Variants in HLTF observed in about 807,000 individuals in gnomAD.
HLTF encodes the protein helicase like transcription factor, also known as DNA-dependent ATPase/E3 ubiquitin-protein ligase HLTF.
Under a neutral mutation model 129.4 loss-of-function variants are expected in HLTF, and 127 were observed. The ratio of observed to expected loss-of-function variants is 0.98; its 90% CI spans 0.85 to 1.14. The LOEUF is 1.14. Ranked by LOEUF, HLTF falls within the 50% of genes most tolerant of loss-of-function variation. The pLI, the probability that HLTF is intolerant of heterozygous loss-of-function variation, is 0.00. For synonymous variants in HLTF, 332 were observed against 388.8 expected, an observed-to-expected ratio of 0.85 and a Z score of 1.72; for missense variants, 1,139 against 1,187.1, an observed-to-expected ratio of 0.96 and a Z score of 0.60.
chr3:149,078,693 TAAAAATACA>T (rs1258509102), intron 2 of HLTF, among the ~76,000 whole-genome samples: 1 of 151,750 alleles, frequency 6.6e-6, no homozygotes, highest in African/African-American at 2.4e-5. Flanking sequence ...CCGTCTCTAC[TAAAAATACA>T]AAAAATTAGC....
intron 8 of HLTF, among the ~76,000 whole-genome samples, chr3:149,067,007 A>G (rs1415916720): frequency 2.0e-5 from 3 of 152,180 alleles, no homozygotes; most frequent in Non-Finnish European, 4.4e-5. Flanking sequence ...AAGAGTTCAG[A>G]AAAGAAGTAT....
intron 13 of HLTF, among the ~76,000 whole-genome samples, chr3:149,059,048 T>A (rs1390399431): frequency 1.3e-5 from 2 of 152,214 alleles, no homozygotes; most frequent in Non-Finnish European, 2.9e-5. Context: ...ACAAGCCCCT[T>A]CAGGTCAATC....
chr3:149,054,889 G>C (rs187583224), intron 14 of HLTF, among the ~76,000 whole-genome samples: 3 of 152,258 alleles, frequency 2.0e-5, no homozygotes, highest in Admixed American at 2.0e-4. Flanking sequence ...AAGAGGTTAA[G>C]GACAAACCAA....
In HLTF at chr3:149,041,583, T is replaced by C. The variant is rs1159089710; in HGVS notation, c.2283A>G (p.Ala761=). 7 of 1,612,310 alleles carry C rather than the reference T, an allele frequency of 4.3e-6. No individual in the cohort carries two copies. Among genetic ancestry groups the C allele is most frequent in the East Asian group, 4.5e-5 (2 of 44,816 alleles). The change falls in exon 20 of 25, where the codon GCA becomes GCG. Residue 761 remains alanine, a synonymous_variant. Coordinates refer to ENST00000310053, the MANE Select transcript of HLTF (RefSeq NM_003071.4). The stretch of plus-strand genomic sequence containing the variant: ...GAACTGTTAAAGAATCCAGGCAAAT[T>C]GCACATTCCTCATCTGAACCTGAGC... The part of the protein sequence containing the change: ...ILSSGSDEEC[A]ICLDSLTVPV...
chr3:149,049,978 G>A (rs531313492), intron 15 of HLTF, among the ~76,000 whole-genome samples: 5 of 150,488 alleles, frequency 3.3e-5, no homozygotes, highest in African/African-American at 1.2e-4. Context: ...GGCAACAAGA[G>A]CAAAACTCCA....
intron 2 of HLTF, among the ~76,000 whole-genome samples, chr3:149,076,377 T>C (rs1576623267): frequency 1.3e-5 from 2 of 152,222 alleles, no homozygotes; most frequent in South Asian, 2.1e-4. Flanking sequence ...GCGCTTACTA[T>C]GTGCCAAGCA....
intron 23 of HLTF, among the ~76,000 whole-genome samples, chr3:149,037,480 AAAAG>A (rs1488291898): frequency 6.6e-6 from 1 of 151,608 alleles, no homozygotes; most frequent in African/African-American, 2.4e-5. Context: ...AAAAAAAAAA[AAAAG>A]AAAAAAGAAA....
At chr3:149,038,694 G>A (rs1715855744) in intron 23 of HLTF, among the ~76,000 whole-genome samples, 1 of 151,870 alleles carries the variant, frequency 6.6e-6, no homozygotes, top group Non-Finnish European at 1.5e-5. Flanking sequence ...ACTTTTTTTT[G>A]TAGAGATGGG....
At chr3:149,039,962 ATATACTGTG>A in intron 21 of HLTF, 60 bp downstream of exon 21, 1 of 1,337,114 alleles carries the variant, frequency 7.5e-7, no homozygotes, top group Non-Finnish European at 1.0e-6. Flanking sequence ...TACGATTTTG[ATATACTGTG>A]TATATTTCCT....
chr3:149,045,837 T>C (rs1001829365), intron 18 of HLTF, among the ~76,000 whole-genome samples: 3 of 152,180 alleles, frequency 2.0e-5, no homozygotes, highest in African/African-American at 7.2e-5. Flanking sequence ...TGGCTAGCAA[T>C]TGAGAACTTG....
intron 6 of HLTF, 60 bp from the exon 7 acceptor site, chr3:149,071,503 C>G: frequency 2.7e-6 from 4 of 1,491,270 alleles, no homozygotes; most frequent in Non-Finnish European, 3.7e-6. Flanking sequence ...ACATGCAGAT[C>G]CTGTGATTAA....
At position 149,042,193 on chromosome 3, in the gene HLTF, T is replaced by G; in HGVS notation, c.2170A>C (p.Asn724His). 2 of 1,613,368 alleles carry G rather than the reference T, an allele frequency of 1.2e-6. No individual in the cohort carries two copies. Among genetic ancestry groups the G allele is most frequent in the Non-Finnish European group, 1.7e-6 (2 of 1,179,384 alleles). Residue 724 changes from asparagine to histidine, a missense_variant, in exon 19 of 25, where the codon AAT becomes CAT. Physicochemically the swap from Asn to His is moderately conservative, Grantham distance 68. Coordinates refer to ENST00000310053, the MANE Select transcript of HLTF (RefSeq NM_003071.4). Reference sequence around the variant, plus strand: ...GAGGGGCCATTGGAAGACACTGCATTTGTAAGAAGGTAAGTATGGCAACAA... The same window carrying G: ...GAGGGGCCATTGGAAGACACTGCATGTGTAAGAAGGTAAGTATGGCAACAA... ...QICCHTYLLT[N>H]AVSSNGPSGN...
chr3:149,035,506 A>G (rs1360316355), intron 23 of HLTF, among the ~76,000 whole-genome samples: 1 of 151,982 alleles, frequency 6.6e-6, no homozygotes, highest in African/African-American at 2.4e-5. Context: ...AAAATAGAAA[A>G]AATTAGCCGG....
chr3:149,059,024 T>C (rs1717705271), intron 13 of HLTF, among the ~76,000 whole-genome samples: 1 of 152,246 alleles, frequency 6.6e-6, no homozygotes, highest in South Asian at 2.1e-4. Flanking sequence ...CATGAGTCTA[T>C]GTTAGCTTCA....
At chr3:149,049,305 T>C (rs1050222693) in intron 15 of HLTF, among the ~76,000 whole-genome samples, 1 of 152,168 alleles carries the variant, frequency 6.6e-6, no homozygotes, top group African/African-American at 2.4e-5. Context: ...GTTGAGTCAC[T>C]GGTCAATACA....
chr3:149,065,430 A>G (rs1216817899), intron 8 of HLTF, among the ~76,000 whole-genome samples: 1 of 152,240 alleles, frequency 6.6e-6, no homozygotes, highest in Non-Finnish European at 1.5e-5. Context: ...ACATGAATTG[A>G]AAACAATTTT....
intron 2 of HLTF, among the ~76,000 whole-genome samples, chr3:149,077,076 C>T (rs1719426967): frequency 6.6e-6 from 1 of 151,778 alleles, no homozygotes; most frequent in Non-Finnish European, 1.5e-5. Context: ...GTGAGACCCC[C>T]GTCTCTACTA....
chr3:149,068,930 A>C (rs2108038865), intron 7 of HLTF, among the ~76,000 whole-genome samples: 1 of 152,340 alleles, frequency 6.6e-6, no homozygotes, highest in East Asian at 1.9e-4. Context: ...AGTGTGGTCC[A>C]CAGGCCACTG....
At chr3:149,084,309 T>C (rs574829577) in intron 2 of HLTF, among the ~76,000 whole-genome samples, 16 of 151,636 alleles carry the variant, frequency 1.1e-4, no homozygotes, top group Middle Eastern at 3.4e-3. Flanking sequence ...AGACACCCTA[T>C]TGAGAAGCTT....
Sources: gnomAD v4.1 joint callset for allele counts (sites outside exome capture counted in the v4.1 genomes callset) on GRCh38, gnomAD v4.1.1 for gene constraint, MANE v1.5 for transcripts, NCBI Gene and HGNC (gene_info 2026-07-23, HGNC 2026-07-21) for gene names.